LRRIQ3: variants seen among roughly 807,000 people sequenced by gnomAD.
The protein encoded by LRRIQ3 is leucine rich repeats and IQ motif containing 3.
Under a neutral mutation model 59.3 loss-of-function variants are expected in LRRIQ3, and 75 were observed. The ratio of observed to expected loss-of-function variants is 1.26; its 90% CI spans 1.05 to 1.53. LRRIQ3 has a LOEUF of 1.53. Among genes scored for constraint, LRRIQ3 ranks in the 40% most tolerant of loss-of-function variants. The pLI is 0.00. For synonymous variants in LRRIQ3, 250 were observed against 231.3 expected (o/e 1.08, Z -0.73); for missense variants, 831 against 710.0 (o/e 1.17, Z -1.94).
intron 6 of LRRIQ3, among the ~76,000 whole-genome samples, chr1:74,054,787 T>A (rs1050231605): frequency 1.4e-5 from 2 of 147,364 alleles, no homozygotes; most frequent in Non-Finnish European, 3.0e-5. Context: ...TACATATAAA[T>A]ACACACATAC....
rs867418143 is a variant in LRRIQ3, at chr1:74,041,470, C to A, written c.1461G>T (p.Trp487Cys). 6.2e-7 allele frequency: 1 copy of A among 1,613,498 alleles called. No individual in the cohort carries two copies. Among genetic ancestry groups the A allele is most frequent in the Non-Finnish European group, 8.5e-7 (1 of 1,179,848 alleles). The change falls in exon 7 of 8, where the codon TGG becomes TGT. Residue 487 changes from tryptophan (W) to cysteine (C), a missense_variant. Transcript: ENST00000354431. ...ETIQNSLRQV[W>C]QNRFNYLEKA... ...TTTCAAGGTAGTTGAATCTGTTTTGCCAAACTTGTCGTAAACTGTTCTGAA... is the reference window on the plus strand; with the variant it reads ...TTTCAAGGTAGTTGAATCTGTTTTGACAAACTTGTCGTAAACTGTTCTGAA...
intron 7 of LRRIQ3, among the ~76,000 whole-genome samples, chr1:74,027,776 G>T (rs1397492694): frequency 6.6e-6 from 1 of 152,000 alleles, no homozygotes; most frequent in South Asian, 2.1e-4. Context: ...AACCTTAGAT[G>T]CTGGAGACAT....
At chr1:74,150,328 A>T (rs1485923484) in intron 4 of LRRIQ3, among the ~76,000 whole-genome samples, 1 of 152,146 alleles carries the variant, frequency 6.6e-6, no homozygotes, top group Non-Finnish European at 1.5e-5. Context: ...GTTTAAGCCA[A>T]GATATTGGGG....
chr1:74,029,626 C>T (rs181264278), intron 7 of LRRIQ3, among the ~76,000 whole-genome samples: 8 of 152,066 alleles, frequency 5.3e-5, no homozygotes, highest in African/African-American at 7.2e-5. Flanking sequence ...ATTTTTGCAT[C>T]GATGTTCACC....
chr1:74,126,141 T>C (rs932400982), intron 4 of LRRIQ3, among the ~76,000 whole-genome samples: 1 of 151,848 alleles, frequency 6.6e-6, no homozygotes, highest in Non-Finnish European at 1.5e-5. Flanking sequence ...TATTTGCATA[T>C]AGTTTCTCAT....
intron 1 of LRRIQ3, among the ~76,000 whole-genome samples, chr1:74,196,115 T>C (rs1279607407): frequency 1.3e-5 from 2 of 152,128 alleles, no homozygotes; most frequent in African/African-American, 4.8e-5. Context: ...TTGCATGATA[T>C]AGTCATATTG....
intron 6 of LRRIQ3, among the ~76,000 whole-genome samples, chr1:74,055,985 A>C (rs915581866): frequency 6.6e-6 from 1 of 151,920 alleles, no homozygotes; most frequent in African/African-American, 2.4e-5. Flanking sequence ...TCTACTAAAA[A>C]TACAAAAAAA....
Position 74,026,914 on chromosome 1 carries a change from C to A in LRRIQ3, c.1774G>T (p.Ala592Ser), listed in dbSNP as rs1653531660. The A allele has an allele frequency of 6.3e-7, 1 of 1,596,942 alleles. No homozygotes were observed. Among genetic ancestry groups the A allele is most frequent in the African/African-American group, 1.3e-5 (1 of 74,112 alleles). ...CEEKFVMDMI[A>S]FEKACERLQD... ...AGTCTTTCACAGGCTTTTTCAAAGG[C>A]AATCATATCCATAACAAATTTTTCT... The change falls in exon 8 of 8, where the codon GCC (alanine) becomes TCC (serine). Residue 592 changes from alanine (A) to serine (S), a missense_variant. Ala to Ser is a moderately conservative substitution (Grantham distance 99). Coordinates refer to ENST00000354431, the MANE Select transcript of LRRIQ3 (RefSeq NM_001105659.2).
At chr1:74,133,834 C>T (rs1647072061) in intron 4 of LRRIQ3, among the ~76,000 whole-genome samples, 1 of 151,914 alleles carries the variant, frequency 6.6e-6, no homozygotes, top group African/African-American at 2.4e-5. Flanking sequence ...ACATTGTGCA[C>T]ATGTACCCTA....
intron 6 of LRRIQ3, among the ~76,000 whole-genome samples, chr1:74,061,987 T>C (rs1334324441): frequency 6.6e-6 from 1 of 152,062 alleles, no homozygotes; most frequent in South Asian, 2.1e-4. Context: ...GGAGCTGAGA[T>C]CATACCACTG....
At chr1:74,059,279 T>C (rs1654630851) in intron 6 of LRRIQ3, among the ~76,000 whole-genome samples, 1 of 152,012 alleles carries the variant, frequency 6.6e-6, no homozygotes, top group Non-Finnish European at 1.5e-5. Flanking sequence ...ATTTTTGGCT[T>C]ATGCTCCTAG....
intron 4 of LRRIQ3, among the ~76,000 whole-genome samples, chr1:74,133,289 T>A (rs894075053): frequency 3.3e-5 from 5 of 152,230 alleles, no homozygotes; most frequent in African/African-American, 1.2e-4. Flanking sequence ...TCAACCATTG[T>A]GGAAGACGGT....
At chr1:74,055,132 C>G (rs1654487793) in intron 6 of LRRIQ3, among the ~76,000 whole-genome samples, 1 of 147,402 alleles carries the variant, frequency 6.8e-6, no homozygotes, top group African/African-American at 2.5e-5. Context: ...TATGCACATA[C>G]ATACACATGC....
rs184319324 is a variant in LRRIQ3 at position 74,099,523 on chromosome 1, A to T, written c.867+9871T>A. The stretch of plus-strand genomic sequence containing the variant: ...TCCTTCTGAAACTATTCCAATCAAT[A>T]GAAGAAGAGGGAATCCTCCCTAACT... On this transcript the variant is annotated intron_variant, in intron 5 of 7. Transcript: ENST00000354431. Among the ~76,000 whole-genome samples, 574 of 152,298 alleles carry T rather than the reference A, an allele frequency of 3.8e-3. 5 individuals carry two copies. The highest frequency in any genetic ancestry group is 0.013 in the African/African-American group (545 of 41,558).
chr1:74,132,407 G>A (rs908229315), intron 4 of LRRIQ3, among the ~76,000 whole-genome samples: 11 of 152,104 alleles, frequency 7.2e-5, no homozygotes, highest in African/African-American at 2.7e-4. Context: ...GCATTGCCAA[G>A]TCAATGCTAA....
chr1:74,133,280 C>T (rs1647057790), intron 4 of LRRIQ3, among the ~76,000 whole-genome samples: 1 of 152,146 alleles, frequency 6.6e-6, no homozygotes, highest in African/African-American at 2.4e-5. Context: ...TAAACAAGTT[C>T]AACCATTGTG....
At chr1:74,079,962 C>T (rs751005617) in intron 5 of LRRIQ3, among the ~76,000 whole-genome samples, 2 of 151,870 alleles carry the variant, frequency 1.3e-5, no homozygotes, top group Admixed American at 6.6e-5. Flanking sequence ...ACTCAGCAAC[C>T]CTTCACAACT....
At chr1:74,168,649 T>G (rs1164390030) in intron 3 of LRRIQ3, among the ~76,000 whole-genome samples, 1 of 152,184 alleles carries the variant, frequency 6.6e-6, no homozygotes, top group East Asian at 1.9e-4. Flanking sequence ...TCTGTTAGAT[T>G]CCTGTTTTTT....
intron 1 of LRRIQ3, among the ~76,000 whole-genome samples, chr1:74,189,858 T>C (rs1158119688): frequency 6.6e-6 from 1 of 152,138 alleles, no homozygotes; most frequent in South Asian, 2.1e-4. Flanking sequence ...TCTTTATAAA[T>C]TACCCGGTGT....
Sources: allele counts gnomAD v4.1 joint callset (sites outside exome capture counted in the v4.1 genomes callset), GRCh38; gene constraint gnomAD v4.1.1; transcripts MANE v1.5; gene names NCBI Gene and HGNC (gene_info 2026-07-23, HGNC 2026-07-21).